Variants in RAB11FIP2 observed in about 807,000 individuals in gnomAD.
RAB11FIP2 encodes the protein RAB11 family interacting protein 2, also known as rab11 family-interacting protein 2.
Under a neutral mutation model 40.9 loss-of-function variants are expected in RAB11FIP2, and 16 were observed. The ratio of observed to expected loss-of-function variants is 0.39; its 90% CI spans 0.26 to 0.59. RAB11FIP2 has a LOEUF of 0.59. Ranked by LOEUF, RAB11FIP2 falls within the 20% of genes least tolerant of loss-of-function variation. The probability of loss-of-function intolerance (pLI) is 0.53; values close to 1 mark genes in which losing one functional copy is unlikely to be tolerated. For missense variants in RAB11FIP2, 532 were observed against 606.2 expected (o/e 0.88, Z 1.28); for synonymous variants, 228 against 213.7 (o/e 1.07, Z -0.58).
At chr10:118,032,303 G>C (rs1034534164) in intron 3 of RAB11FIP2, among the ~76,000 whole-genome samples, 2 of 151,966 alleles carry the variant, frequency 1.3e-5, no homozygotes, top group African/African-American at 4.8e-5. Flanking sequence ...CCTCAATCCT[G>C]AGAAACAATT....
At position 118,033,076 on chromosome 10, in the gene RAB11FIP2, G is replaced by GA. The variant is rs903385369; in HGVS notation, c.1265+5895dup. On this transcript the variant is annotated intron_variant, in intron 3 of 4. Transcript: ENST00000355624. The stretch of plus-strand genomic sequence containing the variant: ...ACTTTATCATAGGTATATATGTATA[G>GA]AAAAAAAAACACAGGATATATAGGG... Among the ~76,000 whole-genome samples the GA allele has an allele frequency of 2.1e-4, 31 of 150,362 alleles. 1 individual carries two copies. Among genetic ancestry groups the GA allele is most frequent in the East Asian group, 5.8e-4 (3 of 5,146 alleles).
rs1247896853 is a variant in RAB11FIP2 at position 118,007,165 on chromosome 10, TTAAAAAA to T, written c.*1826_*1832del. On this transcript the variant is annotated 3_prime_UTR_variant, in exon 5 of 5. Transcript: ENST00000355624. ...TAGTTAATTAAAAGTGGCACCATGT[TTAAAAAA>T]AAAAAAAAAACTACCAAGACCTCAA... The T allele has an allele frequency of 2.7e-5, 4 of 150,156 alleles. No individual in the cohort carries two copies. Among genetic ancestry groups the T allele is most frequent in the Non-Finnish European group, 4.4e-5 (3 of 67,478 alleles). 9.3% of individuals were successfully genotyped at this position (150,156 alleles called of 1,614,324 possible).
rs534762061 is a variant in RAB11FIP2 at position 118,043,182 on chromosome 10, G to A, written c.354-2617C>T. Among the ~76,000 whole-genome samples the A allele has an allele frequency of 3.3e-5, 5 of 152,154 alleles. No individual in the cohort carries two copies. The South Asian group carries it at 6.2e-4, about 19-fold the overall frequency. ...ATTGGTGCTGTGTGGTCAGAAATGG[G>A]ACAAAATTGGCAGTAAGGGTGCCAG... On this transcript the variant is annotated intron_variant, in intron 1 of 4. Transcript: ENST00000355624.
intron 3 of RAB11FIP2, among the ~76,000 whole-genome samples, chr10:118,019,878 A>G (rs1334734585): frequency 6.6e-6 from 1 of 152,062 alleles, no homozygotes; most frequent in Non-Finnish European, 1.5e-5. Flanking sequence ...ACAAAGGTAT[A>G]TACTGAGAAC....
At chr10:118,023,431 A>G (rs763225318) in intron 3 of RAB11FIP2, among the ~76,000 whole-genome samples, 2 of 152,196 alleles carry the variant, frequency 1.3e-5, no homozygotes, top group Non-Finnish European at 2.9e-5. Context: ...ACTCAGTACC[A>G]AATCAAATTA....
At chr10:118,028,323 T>C (rs1219627725) in intron 3 of RAB11FIP2, among the ~76,000 whole-genome samples, 3 of 150,496 alleles carry the variant, frequency 2.0e-5, no homozygotes, top group Non-Finnish European at 3.0e-5. Flanking sequence ...TTTTAATATT[T>C]ATAAGTATTT....
chr10:118,013,031 C>T, intron 4 of RAB11FIP2, among the ~76,000 whole-genome samples: 1 of 152,122 alleles, frequency 6.6e-6, no homozygotes, highest in South Asian at 2.1e-4. Flanking sequence ...TTGAGAACTG[C>T]TAGTGATCTA....
At chr10:118,018,697 A>G (rs1434380840) in intron 3 of RAB11FIP2, among the ~76,000 whole-genome samples, 3 of 152,210 alleles carry the variant, frequency 2.0e-5, no homozygotes, top group Non-Finnish European at 4.4e-5. Flanking sequence ...CTCTTCTACA[A>G]TATCACTTGT....
chr10:118,020,961 T>A (rs1463783973), intron 3 of RAB11FIP2, among the ~76,000 whole-genome samples: 1 of 152,208 alleles, frequency 6.6e-6, no homozygotes, highest in Non-Finnish European at 1.5e-5. Context: ...TGCCCTTCAA[T>A]TTCTGGCGTA....
intron 3 of RAB11FIP2, among the ~76,000 whole-genome samples, chr10:118,025,480 A>G (rs756942500): frequency 5.3e-5 from 8 of 152,018 alleles, no homozygotes; most frequent in Non-Finnish European, 1.0e-4. Flanking sequence ...CTAAAATCAC[A>G]CTTAGAAACG....
chr10:118,017,068 C>A (rs1168049315), intron 3 of RAB11FIP2, among the ~76,000 whole-genome samples: 1 of 152,158 alleles, frequency 6.6e-6, no homozygotes, highest in Non-Finnish European at 1.5e-5. Context: ...AGTCTTACGG[C>A]CCAGTATCTT....
At chr10:118,029,568 T>C (rs1846388559) in intron 3 of RAB11FIP2, among the ~76,000 whole-genome samples, 1 of 152,160 alleles carries the variant, frequency 6.6e-6, no homozygotes, top group African/African-American at 2.4e-5. Context: ...GAGCAGGATT[T>C]ATATCTCAAC....
intron 3 of RAB11FIP2, among the ~76,000 whole-genome samples, chr10:118,017,078 T>C (rs1175627607): frequency 2.6e-5 from 4 of 152,212 alleles, no homozygotes; most frequent in Non-Finnish European, 5.9e-5. Context: ...CCCAGTATCT[T>C]CCACATCTTC....
rs1380033142 is a variant in RAB11FIP2 at position 118,006,011 on chromosome 10, A to C, written c.*2987T>G. 2 of 152,654 alleles carry C rather than the reference A, an allele frequency of 1.3e-5. No individual in the cohort carries two copies. The highest frequency in any genetic ancestry group is 2.9e-5 in the Non-Finnish European group (2 of 68,030). The allele number at this position is 152,654 out of a possible 1,614,324, so 9.5% of individuals were successfully genotyped here. On this transcript the variant is annotated 3_prime_UTR_variant, in exon 5 of 5. Transcript: ENST00000355624. ...AGATGTAGTTATGTATAATCTATAG[A>C]TAATACTACATTCAGGGGACAATGG...
At chr10:118,009,739 G>A (rs894915679) in intron 4 of RAB11FIP2, among the ~76,000 whole-genome samples, 21 of 152,134 alleles carry the variant, frequency 1.4e-4, no homozygotes, top group African/African-American at 4.3e-4. Flanking sequence ...GGAAGCACTC[G>A]GAATTAAATC....
At chr10:118,020,808 C>T (rs894340976) in intron 3 of RAB11FIP2, among the ~76,000 whole-genome samples, 4 of 152,128 alleles carry the variant, frequency 2.6e-5, no homozygotes, top group Admixed American at 6.5e-5. Flanking sequence ...TTAACTGATA[C>T]ATGAATATAA....
intron 3 of RAB11FIP2, among the ~76,000 whole-genome samples, chr10:118,024,946 A>C (rs1306253558): frequency 1.3e-5 from 2 of 152,116 alleles, no homozygotes; most frequent in East Asian, 1.9e-4. Context: ...AGAGGCTTCA[A>C]GGAGGGACAT....
intron 3 of RAB11FIP2, among the ~76,000 whole-genome samples, chr10:118,030,847 T>C (rs930201991): frequency 6.6e-6 from 1 of 152,114 alleles, no homozygotes; most frequent in Admixed American, 6.6e-5. Context: ...GATACACCAA[T>C]TAATGAGAGC....
chr10:118,024,470 CGTGTGTGTGTGTGTGT>C (rs55723398), intron 3 of RAB11FIP2, among the ~76,000 whole-genome samples: 10 of 131,810 alleles, frequency 7.6e-5, no homozygotes, highest in East Asian at 4.5e-4. Context: ...TCATCATCAT[CGTGTGTGTGTGTGTGT>C]GTGTGTGTGT....
Sources: allele counts gnomAD v4.1 joint callset (sites outside exome capture counted in the v4.1 genomes callset), GRCh38; gene constraint gnomAD v4.1.1; transcripts MANE v1.5; gene names NCBI Gene and HGNC (gene_info 2026-07-23, HGNC 2026-07-21).